The following ACBD6 variants were observed in gnomAD, a reference collection of about 807,000 sequenced individuals.
ACBD6 encodes the protein acyl-CoA-binding domain-containing protein 6.
A neutral mutation model predicts 37.2 loss-of-function variants in ACBD6; 28 were observed. The observed-to-expected ratio is 0.75, with a 90% CI of 0.56 to 1.03. The LOEUF (loss-of-function observed/expected upper bound fraction) is 1.03. Ranked by LOEUF, ACBD6 falls within the 50% of genes least tolerant of loss-of-function variation. The pLI is 0.00. For synonymous variants in ACBD6, 113 were observed against 126.8 expected, an observed-to-expected ratio of 0.89 and a Z score of 0.73; for missense variants, 340 against 337.4, an observed-to-expected ratio of 1.01 and a Z score of -0.06.
Position 180,368,967 on chromosome 1 carries a change from C to T in ACBD6, c.663+28549G>A, listed in dbSNP as rs969684570. 3.9e-5 allele frequency among the ~76,000 whole-genome samples: 6 copies of T among 152,234 alleles called. No individual in the cohort carries two copies. In the East Asian group the frequency reaches 9.6e-4, roughly 24 times the overall value. On this transcript the variant is annotated intron_variant, in intron 6 of 7. Transcript: ENST00000367595. Reference sequence around the variant, plus strand: ...GATTTAGTATCTACCTTCATAATCTCAATCCTTAAAAAAGGAGTTTATAAT... The same window carrying T: ...GATTTAGTATCTACCTTCATAATCTTAATCCTTAAAAAAGGAGTTTATAAT...
At chr1:180,285,697 C>A (rs973774203), downstream of ACBD6, among the ~76,000 whole-genome samples, 2 of 152,040 alleles carry the variant, frequency 1.3e-5, no homozygotes, top group Non-Finnish European at 2.9e-5. Context: ...CTGTAGTGTA[C>A]ATGGAATAAT....
intron 3 of ACBD6, among the ~76,000 whole-genome samples, chr1:180,474,159 A>G (rs1005953327): frequency 6.6e-6 from 1 of 152,190 alleles, no homozygotes; most frequent in Admixed American, 6.5e-5. Context: ...ATTTATTCAT[A>G]ATTCTGCTAA....
rs12060090 is a variant in ACBD6, at chr1:180,408,445, C to T, written c.573+4921G>A. On this transcript the variant is annotated intron_variant, in intron 5 of 7. Transcript: ENST00000367595. ...CAAAAAATCAAACACTGCATGTTCTCACTCATAGGTGGGAATTGAACAATG... is the reference window on the plus strand; with the variant it reads ...CAAAAAATCAAACACTGCATGTTCTTACTCATAGGTGGGAATTGAACAATG... Among the ~76,000 whole-genome samples the T allele has an allele frequency of 7.1e-3, 1,076 of 152,128 alleles. 9 individuals carry two copies. Among genetic ancestry groups the T allele is most frequent in the African/African-American group, 0.024 (1,005 of 41,472 alleles).
intron 3 of ACBD6, among the ~76,000 whole-genome samples, chr1:180,479,551 A>G (rs1418433871): frequency 6.6e-6 from 1 of 152,174 alleles, no homozygotes; most frequent in Non-Finnish European, 1.5e-5. Flanking sequence ...ATAAACATAC[A>G]GTAAGAAAGA....
chr1:180,388,751 T>C (rs976910000), intron 6 of ACBD6, among the ~76,000 whole-genome samples: 2 of 152,206 alleles, frequency 1.3e-5, no homozygotes, highest in Non-Finnish European at 2.9e-5. Flanking sequence ...AAAAATTAAT[T>C]GTATCTCTAT....
At chr1:180,363,430 T>C (rs1571410815) in intron 6 of ACBD6, among the ~76,000 whole-genome samples, 1 of 152,322 alleles carries the variant, frequency 6.6e-6, no homozygotes, top group Middle Eastern at 3.4e-3. Flanking sequence ...AACAAAAGTA[T>C]GGAAATTTTT....
chr1:180,466,070 T>C (rs1347486979), intron 3 of ACBD6, among the ~76,000 whole-genome samples: 3 of 152,146 alleles, frequency 2.0e-5, no homozygotes, highest in Non-Finnish European at 2.9e-5. Context: ...AGTGATGTAA[T>C]AATATGTACA....
intron 2 of ACBD6, among the ~76,000 whole-genome samples, chr1:180,494,052 G>A (rs1366411733): frequency 1.3e-5 from 2 of 152,120 alleles, no homozygotes; most frequent in Non-Finnish European, 1.5e-5. Flanking sequence ...GTTTGGTAAC[G>A]GCAGTAACTG....
chr1:180,454,511 C>CA (rs1353985673), intron 3 of ACBD6, among the ~76,000 whole-genome samples: 1 of 152,104 alleles, frequency 6.6e-6, no homozygotes, highest in African/African-American at 2.4e-5. Context: ...CAACAAAAGC[C>CA]AAAATTGACA....
At position 180,271,124 on chromosome 1, in the gene ACBD6, C is replaced by A. The variant is rs536823400; in HGVS notation, c.*2101G>T. 10 of 552,862 alleles carry A rather than the reference C, an allele frequency of 1.8e-5. No homozygotes were observed. In the African/African-American group the frequency reaches 1.9e-4, roughly 10 times the overall value. The allele number at this position is 552,862 out of a possible 1,614,324, so 34.2% of individuals were successfully genotyped here. A position where few individuals can be genotyped will look rare whatever the true frequency, so the allele number is the denominator to read the frequency against. On this transcript the variant is annotated 3_prime_UTR_variant, in exon 14 of 14. Transcript: ENST00000642319. ...TGAGACTTCTGTGCAGCTGGGCTGG[C>A]AGGGGAGGGTTGAGGCAGGGAGCTG...
chr1:180,451,513 G>A (rs1329070913), intron 3 of ACBD6, among the ~76,000 whole-genome samples: 1 of 152,048 alleles, frequency 6.6e-6, no homozygotes, highest in Non-Finnish European at 1.5e-5. Context: ...AACAAAATGT[G>A]GCATATCCAT....
intron 3 of ACBD6, among the ~76,000 whole-genome samples, chr1:180,443,165 C>T (rs1218004445): frequency 6.6e-6 from 1 of 152,164 alleles, no homozygotes. Context: ...CCTTTTGAGG[C>T]TCAATTTTAA....
intron 2 of ACBD6, 84 bp from the exon 3 acceptor site, chr1:180,492,449 C>T: frequency 9.5e-7 from 1 of 1,050,236 alleles, no homozygotes; most frequent in South Asian, 1.3e-5. Context: ...AAACTGTATG[C>T]ACATTTCAAG....
At position 180,399,291 on chromosome 1, in the gene ACBD6, C is replaced by T. The variant is rs57331710; in HGVS notation, c.574-1686G>A. Among the ~76,000 whole-genome samples the T allele has an allele frequency of 0.012, 1,764 of 151,946 alleles. 123 individuals are homozygous for T. In the East Asian group the frequency reaches 0.16, roughly 14 times the overall value. On this transcript the variant is annotated intron_variant, in intron 5 of 7. Transcript: ENST00000367595. ...ATTTATTTATTTATTTATTTTGAGA[C>T]GGAGTTTTGCTCTTTTGCTGAGGCT... is the stretch of plus-strand genomic sequence containing the variant.
chr1:180,298,137 A>G (rs527476920), intron 7 of ACBD6, among the ~76,000 whole-genome samples: 2 of 152,376 alleles, frequency 1.3e-5, no homozygotes, highest in African/African-American at 4.8e-5. Flanking sequence ...ATGAAAGACA[A>G]TCTCTTATAA....
At chr1:180,290,437 A>G (rs1649658512) in intron 7 of ACBD6, among the ~76,000 whole-genome samples, 1 of 152,224 alleles carries the variant, frequency 6.6e-6, no homozygotes, top group Non-Finnish European at 1.5e-5. Context: ...TTGGCCTCCC[A>G]AAGTGCTGGG....
intron 6 of ACBD6, among the ~76,000 whole-genome samples, chr1:180,317,670 G>C (rs1287463429): frequency 1.3e-5 from 2 of 152,114 alleles, no homozygotes; most frequent in African/African-American, 4.8e-5. Context: ...GAGAGAATGA[G>C]GGTCTCTGGT....
intron 3 of ACBD6, among the ~76,000 whole-genome samples, chr1:180,485,943 CAAA>C (rs545012657): frequency 2.5e-5 from 3 of 119,104 alleles, no homozygotes; most frequent in African/African-American, 3.1e-5. Context: ...CTCCCAGTAG[CAAA>C]AAAAAAAAAA....
chr1:180,396,658 A>G (rs955071674), intron 6 of ACBD6, among the ~76,000 whole-genome samples: 2 of 152,242 alleles, frequency 1.3e-5, no homozygotes, highest in African/African-American at 2.4e-5. Flanking sequence ...TCCAGAAAAG[A>G]TATGCAAATA....
Sources: allele counts gnomAD v4.1 joint callset (sites outside exome capture counted in the v4.1 genomes callset), GRCh38; gene constraint gnomAD v4.1.1; transcripts MANE v1.5; gene names NCBI Gene and HGNC (gene_info 2026-07-23, HGNC 2026-07-21).